The following TBC1D5 variants were observed in gnomAD, a reference collection of about 807,000 sequenced individuals.
TBC1D5 encodes the protein TBC1 domain family member 5, also known as TBC1 domain family, member 5.
In TBC1D5, 75 loss-of-function variants were observed where a neutral mutation model predicts 100.3. The ratio of observed to expected loss-of-function variants is 0.75; its 90% confidence interval spans 0.62 to 0.91. The LOEUF (loss-of-function observed/expected upper bound fraction) is 0.91, where lower values mean the gene tolerates loss of function less well. Among genes scored for constraint, TBC1D5 ranks in the 40% least tolerant of loss-of-function variants. The probability of loss-of-function intolerance (pLI) is 0.00; values close to 1 mark genes in which losing one functional copy is unlikely to be tolerated. For missense variants in TBC1D5, 910 were observed against 942.4 expected, an observed-to-expected ratio of 0.97 and a Z score of 0.45; for synonymous variants, 323 against 325.6, an observed-to-expected ratio of 0.99 and a Z score of 0.09.
chr3:17,431,588 TA>T (rs1311563493), intron 3 of TBC1D5, among the ~76,000 whole-genome samples: 42 of 152,150 alleles, frequency 2.8e-4, no homozygotes, highest in African/African-American at 9.6e-4. Context: ...CTTGTGACCG[TA>T]AGTTTGAAAT....
intron 13 of TBC1D5, among the ~76,000 whole-genome samples, chr3:17,334,576 T>A (rs890869147): frequency 2.0e-5 from 3 of 152,160 alleles, no homozygotes; most frequent in Admixed American, 6.5e-5. Context: ...TAGGACTACC[T>A]GACCAGAAAA....
intron 1 of TBC1D5, among the ~76,000 whole-genome samples, chr3:17,679,523 C>T (rs1276595573): frequency 1.3e-5 from 2 of 151,292 alleles, no homozygotes; most frequent in Non-Finnish European, 2.9e-5. Flanking sequence ...ATTAACTTTG[C>T]TGTTAAAAGA....
chr3:17,192,038 T>A (rs1180889775), intron 18 of TBC1D5, among the ~76,000 whole-genome samples: 1 of 151,972 alleles, frequency 6.6e-6, no homozygotes, highest in African/African-American at 2.4e-5. Context: ...TTTCAAAAAA[T>A]ATATATATAT....
chr3:17,264,067 G>A (rs2078614984), intron 15 of TBC1D5, among the ~76,000 whole-genome samples: 1 of 152,090 alleles, frequency 6.6e-6, no homozygotes, highest in East Asian at 1.9e-4. Context: ...TGTAATGGAA[G>A]TCTGTAGATC....
chr3:17,531,305 C>G (rs993160837), intron 2 of TBC1D5, among the ~76,000 whole-genome samples: 1 of 152,116 alleles, frequency 6.6e-6, no homozygotes, highest in African/African-American at 2.4e-5. Flanking sequence ...TCAAGGAGAA[C>G]TACAAACCAC....
chr3:17,606,142 A>G (rs74630636), intron 2 of TBC1D5, among the ~76,000 whole-genome samples: 182 of 152,270 alleles, frequency 1.2e-3, no homozygotes, highest in African/African-American at 4.2e-3. Flanking sequence ...AAATATTTTC[A>G]CCACAAGTAT....
At chr3:17,281,520 C>T (rs993504719) in intron 15 of TBC1D5, among the ~76,000 whole-genome samples, 14 of 152,240 alleles carry the variant, frequency 9.2e-5, no homozygotes, top group East Asian at 3.9e-4. Context: ...ACTCCAGGTT[C>T]GTGTGAATGG....
In TBC1D5 at chr3:17,447,573, A is replaced by G. The variant is rs778043146; in HGVS notation, c.98-19054T>C. On this transcript the variant is annotated intron_variant, in intron 3 of 21. Coordinates refer to ENST00000253692, the Ensembl canonical transcript of TBC1D5. ...CTAAAGCTCCCACCTAATAATTTCTATTTTCTTTATGGAATGAGCAGAGTC... is the reference window on the plus strand; with the variant it reads ...CTAAAGCTCCCACCTAATAATTTCTGTTTTCTTTATGGAATGAGCAGAGTC... Among the ~76,000 whole-genome samples, 5 of 152,366 alleles carry G rather than the reference A, an allele frequency of 3.3e-5. No individual in the cohort carries two copies. In the South Asian group the frequency reaches 6.2e-4, roughly 19 times the overall value.
chr3:17,240,691 A>G (rs1455718999), intron 16 of TBC1D5, among the ~76,000 whole-genome samples: 1 of 152,172 alleles, frequency 6.6e-6, no homozygotes, highest in Non-Finnish European at 1.5e-5. Flanking sequence ...AAAAGCTATC[A>G]TGGACTGAAG....
intron 3 of TBC1D5, among the ~76,000 whole-genome samples, chr3:17,453,577 C>T (rs74775833): frequency 0.039 from 5,921 of 152,170 alleles, 167 homozygotes; most frequent in African/African-American, 0.08. Context: ...TTCCTAGACA[C>T]ATACAATCTA....
intron 2 of TBC1D5, among the ~76,000 whole-genome samples, chr3:17,570,917 C>T (rs2096623280): frequency 6.6e-6 from 1 of 151,922 alleles, no homozygotes; most frequent in Non-Finnish European, 1.5e-5. Context: ...TGCTACATTT[C>T]CTTAATCAGT....
chr3:17,488,778 G>C (rs1194513547), intron 3 of TBC1D5, among the ~76,000 whole-genome samples: 1 of 151,920 alleles, frequency 6.6e-6, no homozygotes, highest in Admixed American at 6.6e-5. Context: ...TGTATATCTG[G>C]TCTGTGGCCT....
At chr3:17,202,028 C>A (rs893539108) in intron 18 of TBC1D5, among the ~76,000 whole-genome samples, 7 of 152,198 alleles carry the variant, frequency 4.6e-5, no homozygotes, top group Admixed American at 2.6e-4. Context: ...CAGAAGAAGA[C>A]AGGAAGATGA....
chr3:17,216,275 C>T (rs550835477), intron 17 of TBC1D5, among the ~76,000 whole-genome samples: 14 of 152,010 alleles, frequency 9.2e-5, no homozygotes, highest in African/African-American at 3.4e-4. Context: ...AGGGTGGTTC[C>T]CAGCTCGTGA....
intron 3 of TBC1D5, among the ~76,000 whole-genome samples, chr3:17,490,308 T>A (rs1202188468): frequency 6.6e-6 from 1 of 152,190 alleles, no homozygotes; most frequent in Admixed American, 6.5e-5. Context: ...TGATGATAGT[T>A]TCTTCTGCTG....
intron 1 of TBC1D5, among the ~76,000 whole-genome samples, chr3:17,702,757 T>A (rs906176454): frequency 6.6e-6 from 1 of 152,144 alleles, no homozygotes; most frequent in Non-Finnish European, 1.5e-5. Flanking sequence ...TGAGCCTTAA[T>A]AAGACTCATA....
chr3:17,564,042 A>G (rs1332751412), intron 2 of TBC1D5, among the ~76,000 whole-genome samples: 1 of 152,232 alleles, frequency 6.6e-6, no homozygotes, highest in African/African-American at 2.4e-5. Flanking sequence ...TTGGCCTCCC[A>G]AAGTGCTGGG....
intron 1 of TBC1D5, among the ~76,000 whole-genome samples, chr3:17,723,116 T>G (rs1197230999): frequency 6.6e-6 from 1 of 152,220 alleles, no homozygotes; most frequent in Non-Finnish European, 1.5e-5. Context: ...TTAACTATAT[T>G]ATTGTCTAGG....
At chr3:17,485,272 G>A (rs1328378755) in intron 3 of TBC1D5, among the ~76,000 whole-genome samples, 1 of 150,758 alleles carries the variant, frequency 6.6e-6, no homozygotes, top group Non-Finnish European at 1.5e-5. Flanking sequence ...TTTAAAGATA[G>A]AATTTTTTTA....
Sources: allele counts gnomAD v4.1 joint callset (sites outside exome capture counted in the v4.1 genomes callset), GRCh38; gene constraint gnomAD v4.1.1; transcripts MANE v1.5; gene names NCBI Gene and HGNC (gene_info 2026-07-23, HGNC 2026-07-21).